Variants in LGI2 observed in about 807,000 individuals in gnomAD.
LGI2 encodes leucine rich repeat LGI family member 2.
LGI2 carries 30 observed loss-of-function variants against 52.0 expected under a neutral mutation model. The observed-to-expected ratio is 0.58, with a 90% CI of 0.43 to 0.78. The LOEUF (loss-of-function observed/expected upper bound fraction) is 0.78. LGI2 is among the 30% of genes least tolerant of loss of function. LGI2 has a pLI of 0.00. For synonymous variants in LGI2, 270 were observed against 271.8 expected (o/e 0.99, Z 0.06); for missense variants, 573 against 692.5 (o/e 0.83, Z 1.94).
At chr4:24,993,855 A>C (rs547339760), downstream of LGI2, among the ~76,000 whole-genome samples, 124 of 152,366 alleles carry the variant, frequency 8.1e-4, 1 homozygote, top group South Asian at 7.5e-3. Context: ...AAACATAAGG[A>C]AGAAAAAGCT....
intron 1 of LGI2, among the ~76,000 whole-genome samples, chr4:25,029,988 C>A (rs1221470241): frequency 6.6e-6 from 1 of 152,174 alleles, no homozygotes; most frequent in East Asian, 1.9e-4. Context: ...TCGCCCCAGA[C>A]CTGATGTGGG....
Position 25,030,468 on chromosome 4 carries a change from G to A in LGI2, c.197+29C>T, listed in dbSNP as rs367643300. On this transcript the variant is annotated intron_variant, in intron 1 of 7. Coordinates refer to ENST00000382114, the MANE Select transcript of LGI2 (RefSeq NM_018176.4). ...CGGCGGACGCAGGGTGGGGCGGGACGGGATGGGGGCTGGAGGGGTCCCACT... is the reference window on the plus strand; with the variant it reads ...CGGCGGACGCAGGGTGGGGCGGGACAGGATGGGGGCTGGAGGGGTCCCACT... The A allele has an allele frequency of 2.8e-5, 44 of 1,562,202 alleles. 1 individual carries two copies. The South Asian group carries it at 4.4e-4, about 15-fold the overall frequency.
At chr4:25,013,964 A>G (rs1257561182) in intron 6 of LGI2, among the ~76,000 whole-genome samples, 1 of 152,216 alleles carries the variant, frequency 6.6e-6, no homozygotes, top group Non-Finnish European at 1.5e-5. Flanking sequence ...TTCTGTGTTC[A>G]CATGTAGACA....
chr4:25,003,385 G>A lies in LGI2; in HGVS notation c.*66C>T, dbSNP rs1725303471. On this transcript the variant is annotated 3_prime_UTR_variant, in exon 8 of 8. Coordinates refer to ENST00000382114, the MANE Select transcript of LGI2 (RefSeq NM_018176.4). ...TGAGCCTGGCTTTGATTTGTTTGTT[G>A]ATTTTTCTTGGTCCTCTTTTGTGAG... is the stretch of plus-strand genomic sequence containing the variant. 1 of 1,150,686 alleles carries A rather than the reference G, an allele frequency of 8.7e-7. No homozygotes were observed. 71.3% of individuals were successfully genotyped at this position (1,150,686 alleles called of 1,614,324 possible). A position where few individuals can be genotyped will look rare whatever the true frequency, so the allele number is the denominator to read the frequency against.
At chr4:25,017,603 A>T (rs576400929) in intron 6 of LGI2, among the ~76,000 whole-genome samples, 9 of 151,768 alleles carry the variant, frequency 5.9e-5, no homozygotes, top group Admixed American at 5.9e-4. Context: ...TCCAATGAAC[A>T]TCTTCCTAAA....
chr4:25,004,026 T>G lies in LGI2; in HGVS notation c.1063A>C (p.Lys355Gln). 2 of 1,614,196 alleles carry G rather than the reference T, an allele frequency of 1.2e-6. No homozygotes were observed. Among genetic ancestry groups the G allele is most frequent in the Non-Finnish European group, 8.5e-7 (1 of 1,180,040 alleles). ...GAATAGAATCCTTTGCTGTTCCATTTATAAACTGTGGACAGACCAGCCTTT... is the reference window on the plus strand; with the variant it reads ...GAATAGAATCCTTTGCTGTTCCATTGATAAACTGTGGACAGACCAGCCTTT... ...SSKAGLSTVY[K>Q]WNSKGFYSYQ... Residue 355 changes from lysine to glutamine, a missense_variant, in exon 8 of 8, where the codon AAA (lysine) becomes CAA (glutamine). Physicochemically the swap from Lys to Gln is moderately conservative, Grantham distance 53. Transcript: ENST00000382114. The surrounding 1 kb of genome is among the most constrained non-coding windows in gnomAD (Gnocchi z 4.6).
intron 5 of LGI2, among the ~76,000 whole-genome samples, chr4:25,018,760 G>C (rs1725853337): frequency 6.6e-6 from 1 of 152,038 alleles, no homozygotes; most frequent in East Asian, 1.9e-4. Flanking sequence ...TACTCAGGAG[G>C]CTGAGGCAGG....
chr4:25,019,307 A>T, intron 4 of LGI2, 69 bp from the exon 5 acceptor site: 3 of 1,028,682 alleles, frequency 2.9e-6, no homozygotes, highest in Non-Finnish European at 4.5e-6. Flanking sequence ...CTCCCTTCAG[A>T]TAAAGCTGTT....
rs1725266604 is a variant in LGI2 at position 25,002,297 on chromosome 4, T to TAAAA, written c.*1153_*1154insTTTT. 2.0e-5 allele frequency: 3 copies of TAAAA among 152,146 alleles called. No individual in the cohort carries two copies. The highest frequency in any genetic ancestry group is 2.0e-4 in the Admixed American group (3 of 15,274). 9.4% of individuals were successfully genotyped at this position (152,146 alleles called of 1,614,324 possible). ...AGAGGAAGGAGTCTTCCTATCTGAG[T>TAAAA]ATCTTGGGTTGTGATTTGGTGTGGG... is the stretch of plus-strand genomic sequence containing the variant. On this transcript the variant is annotated 3_prime_UTR_variant, in exon 8 of 8. Coordinates refer to ENST00000382114, the MANE Select transcript of LGI2 (RefSeq NM_018176.4).
chr4:25,028,719 T>C (rs1577563729), intron 1 of LGI2, 141 bp from the exon 2 acceptor site: 1 of 680,466 alleles, frequency 1.5e-6, no homozygotes, highest in Non-Finnish European at 2.6e-6. Context: ...CCCAGGATCT[T>C]CCCCGGGGTA....
chr4:25,021,418 A>G (rs772274157), intron 4 of LGI2, among the ~76,000 whole-genome samples: 13 of 152,216 alleles, frequency 8.5e-5, no homozygotes, highest in Non-Finnish European at 1.8e-4. Flanking sequence ...GTCTGTAAGC[A>G]TTGCAAAAGT....
At chr4:25,029,031 T>A (rs915470366) in intron 1 of LGI2, among the ~76,000 whole-genome samples, 1 of 152,168 alleles carries the variant, frequency 6.6e-6, no homozygotes, top group Admixed American at 6.5e-5. Context: ...CCTGATTAAA[T>A]GCAACATGAA....
Position 25,003,796 on chromosome 4 carries a change from G to A in LGI2, c.1293C>T (p.Thr431=), listed in dbSNP as rs771611781. Residue 431 remains threonine (T), a synonymous_variant, in exon 8 of 8, where the codon ACC becomes ACT. Transcript: ENST00000382114. ...LAVKSFRMQN[T]LYLSLTRFIG... is the part of the protein sequence containing the mutation. Reference sequence around the variant, plus strand: ...TGAAGCGGGTAAGGGAAAGGTAGAGGGTATTTTGCATTCGGAAGCTCTTCA... The same window carrying A: ...TGAAGCGGGTAAGGGAAAGGTAGAGAGTATTTTGCATTCGGAAGCTCTTCA... The A allele has an allele frequency of 3.7e-6, 6 of 1,614,030 alleles. No individual in the cohort carries two copies. Among genetic ancestry groups the A allele is most frequent in the Non-Finnish European group, 5.1e-6 (6 of 1,180,044 alleles).
At chr4:24,997,264 T>A (rs1347200124), downstream of LGI2, among the ~76,000 whole-genome samples, 1 of 152,202 alleles carries the variant, frequency 6.6e-6, no homozygotes, top group African/African-American at 2.4e-5. Flanking sequence ...CAGCCCTCAA[T>A]TTAGTCTCTG....
At chr4:25,010,984 G>C (rs1725562468) in intron 7 of LGI2, among the ~76,000 whole-genome samples, 1 of 151,338 alleles carries the variant, frequency 6.6e-6, no homozygotes, top group Admixed American at 6.6e-5. Flanking sequence ...TGGGAGGCTG[G>C]GGCAGGAGGA....
At chr4:25,022,861 T>G (rs1398295382) in intron 4 of LGI2, among the ~76,000 whole-genome samples, 2 of 152,236 alleles carry the variant, frequency 1.3e-5, no homozygotes, top group African/African-American at 4.8e-5. Flanking sequence ...CTTAGGTTTA[T>G]AATCTGCCCA....
intron 3 of LGI2, 21 bp from the exon 4 acceptor site, chr4:25,024,912 A>G: frequency 6.6e-7 from 1 of 1,525,444 alleles, no homozygotes; most frequent in Non-Finnish European, 8.9e-7. Flanking sequence ...AAGTTGTATA[A>G]TTAAAATGAA....
At chr4:25,009,995 G>A (rs28657578) in intron 7 of LGI2, among the ~76,000 whole-genome samples, 14,259 of 152,092 alleles carry the variant, frequency 0.094, 1,092 homozygotes, top group African/African-American at 0.21. Context: ...CTGGCTCAGA[G>A]TAAGCGTTCA....
chr4:25,027,327 G>A (rs957133180), intron 2 of LGI2, among the ~76,000 whole-genome samples: 5 of 147,970 alleles, frequency 3.4e-5, no homozygotes, highest in African/African-American at 1.3e-4. Flanking sequence ...CTATTTTTAC[G>A]AAAATAAAAG....
Sources: gnomAD v4.1 joint callset for allele counts (sites outside exome capture counted in the v4.1 genomes callset) on GRCh38, gnomAD v4.1.1 for gene constraint, Gnocchi (gnomAD v3.1) non-coding constraint, MANE v1.5 for transcripts, NCBI Gene and HGNC (gene_info 2026-07-23, HGNC 2026-07-21) for gene names.